Variants in PTPRF observed in about 807,000 individuals in gnomAD.
PTPRF encodes the protein protein tyrosine phosphatase receptor type F.
PTPRF carries 59 observed loss-of-function variants against 201.8 expected under a neutral mutation model. That is an observed-to-expected ratio of 0.29 (90% CI 0.24 to 0.36). The LOEUF is 0.36. Ranked by LOEUF, PTPRF falls within the 10% of genes least tolerant of loss-of-function variation. PTPRF has a pLI of 1.00. For missense variants in PTPRF, 2,132 were observed against 2,690.5 expected (o/e 0.79, Z 4.59); for synonymous variants, 1,088 against 1,089.7 (o/e 1.00, Z 0.03).
intron 7 of PTPRF, 86 bp downstream of exon 7, chr1:43,579,006 A>T (rs769679362): frequency 4.1e-6 from 5 of 1,227,854 alleles, no homozygotes; most frequent in Non-Finnish European, 4.8e-6. Flanking sequence ...CTTGGTGCAG[A>T]CACGCAAGGG....
At chr1:43,571,839 G>A (rs1646593546) in intron 6 of PTPRF, among the ~76,000 whole-genome samples, 1 of 152,226 alleles carries the variant, frequency 6.6e-6, no homozygotes, top group African/African-American at 2.4e-5. Context: ...TGTCTCATCG[G>A]GTCCTGGCTA....
chr1:43,570,718 G>A (rs1430949337), intron 6 of PTPRF, among the ~76,000 whole-genome samples: 1 of 152,270 alleles, frequency 6.6e-6, no homozygotes, highest in Non-Finnish European at 1.5e-5. Flanking sequence ...CCCAGCAGGA[G>A]GAGGGAGAGA....
rs1659478357 is a variant in PTPRF at position 43,622,877 on chromosome 1, A to C, written c.*874A>C. The C allele has an allele frequency of 6.6e-6, 1 of 152,154 alleles. No homozygotes were observed. Among genetic ancestry groups the C allele is most frequent in the Non-Finnish European group, 1.5e-5 (1 of 67,946 alleles). 9.4% of individuals were successfully genotyped at this position (152,154 alleles called of 1,614,324 possible). On this transcript the variant is annotated 3_prime_UTR_variant, in exon 34 of 34. Coordinates refer to ENST00000359947, the MANE Select transcript of PTPRF (RefSeq NM_002840.5). ...ACAAAAAACCACAAAAATAAAAAACAAAAAAAACAAAAAACCCAAGAAAAA... is the reference window on the plus strand; with the variant it reads ...ACAAAAAACCACAAAAATAAAAAACCAAAAAAACAAAAAACCCAAGAAAAA...
At chr1:43,609,320 G>C in intron 21 of PTPRF, 63 bp from the exon 22 acceptor site, 1 of 1,365,886 alleles carries the variant, frequency 7.3e-7, no homozygotes, top group African/African-American at 1.4e-5. Flanking sequence ...AGCCAGCCAT[G>C]CCATGTGTCA....
Position 43,553,884 on chromosome 1 carries a change from A to G in PTPRF, c.322A>G (p.Thr108Ala). The change falls in exon 5 of 34, where the codon ACA becomes GCA. Residue 108 changes from threonine (T) to alanine (A), a missense_variant. This residue lies in a region of PTPRF where 297 missense variants were observed against 454.0 expected (regional missense o/e 0.65). Coordinates refer to ENST00000359947, the MANE Select transcript of PTPRF (RefSeq NM_002840.5). This position sits in a 1 kb window ranked among gnomAD's most constrained non-coding sequence, Gnocchi z 4.1. ...GCGAGATGAAGCCATCTATGAGTGTACAGCTACTAACAGCCTGGGTGAGAT... is the reference window on the plus strand; with the variant it reads ...GCGAGATGAAGCCATCTATGAGTGTGCAGCTACTAACAGCCTGGGTGAGAT... ...VQRDEAIYEC[T>A]ATNSLGEINT... 1 of 1,613,264 alleles carries G rather than the reference A, an allele frequency of 6.2e-7. No homozygotes were observed. The highest frequency in any genetic ancestry group is 8.5e-7 in the Non-Finnish European group (1 of 1,179,756).
chr1:43,602,560 G>A (rs957323849), intron 14 of PTPRF, among the ~76,000 whole-genome samples: 3 of 152,096 alleles, frequency 2.0e-5, no homozygotes, highest in African/African-American at 7.3e-5. Context: ...AGCTGCAGGG[G>A]CCCCACTCAA....
At chr1:43,581,355 TCACACACA>T (rs879752064) in intron 7 of PTPRF, among the ~76,000 whole-genome samples, 1 of 152,218 alleles carries the variant, frequency 6.6e-6, no homozygotes, top group Non-Finnish European at 1.5e-5. Context: ...GTTGTCTCTC[TCACACACA>T]CATACGACGT....
chr1:43,577,257 T>A (rs1022872691), intron 6 of PTPRF, among the ~76,000 whole-genome samples: 6 of 152,140 alleles, frequency 3.9e-5, no homozygotes, highest in African/African-American at 1.4e-4. Flanking sequence ...GAACCCGACC[T>A]GCTTGAAGGA....
Position 43,605,018 on chromosome 1 carries a change from C to T in PTPRF, c.3135+18C>T, listed in dbSNP as rs1290516907. ...CCTTTAAGGTGAGTAAGGGCCACGG[C>T]CAGCTGAGCCTGGCACACACACAGG... On this transcript the variant is annotated intron_variant, in intron 17 of 33. Coordinates refer to ENST00000359947, the MANE Select transcript of PTPRF (RefSeq NM_002840.5). 1.9e-6 allele frequency: 3 copies of T among 1,610,570 alleles called. No homozygotes were observed. The highest frequency in any genetic ancestry group is 2.5e-6 in the Non-Finnish European group (3 of 1,177,310).
chr1:43,560,999 G>A (rs902153821), intron 5 of PTPRF, among the ~76,000 whole-genome samples: 4 of 152,138 alleles, frequency 2.6e-5, no homozygotes, highest in African/African-American at 7.2e-5. Flanking sequence ...AGGGCTGTCC[G>A]GCACATGAAG....
chr1:43,610,955 G>A (rs892808670), intron 22 of PTPRF, among the ~76,000 whole-genome samples: 1 of 152,164 alleles, frequency 6.6e-6, no homozygotes. Flanking sequence ...CACTGTAAAG[G>A]CACCATTAAA....
chr1:43,524,399 T>C (rs555300635), upstream of PTPRF, among the ~76,000 whole-genome samples: 36 of 152,074 alleles, frequency 2.4e-4, no homozygotes, highest in Non-Finnish European at 4.7e-4. Flanking sequence ...GTGGTTCACA[T>C]GTGTAATCCC....
At chr1:43,570,822 C>A (rs967121717) in intron 6 of PTPRF, among the ~76,000 whole-genome samples, 1 of 152,270 alleles carries the variant, frequency 6.6e-6, no homozygotes, top group Non-Finnish European at 1.5e-5. Context: ...TAAAACTCAA[C>A]AAGATGGAGG....
chr1:43,607,024 C>G, intron 21 of PTPRF, 56 bp downstream of exon 21: 1 of 1,592,210 alleles, frequency 6.3e-7, no homozygotes, highest in Non-Finnish European at 8.5e-7. Context: ...CCTTTCAGGC[C>G]CTCTCCGGGT....
chr1:43,607,564 C>T (rs1012230166), intron 21 of PTPRF, among the ~76,000 whole-genome samples: 6 of 152,244 alleles, frequency 3.9e-5, no homozygotes, highest in African/African-American at 1.4e-4. Context: ...GTGCACCTTC[C>T]AGCCTGAAAG....
chr1:43,553,557 G>A lies in PTPRF; in HGVS notation c.157G>A (p.Val53Met), dbSNP rs576238237. 13 of 1,614,074 alleles carry A rather than the reference G, an allele frequency of 8.1e-6. No individual in the cohort carries two copies. The highest frequency in any genetic ancestry group is 5.3e-5 in the African/African-American group (4 of 75,032). Residue 53 changes from valine (V) to methionine (M), a missense_variant, in exon 4 of 34, where the codon GTG (valine) becomes ATG (methionine). By Grantham distance (21) the Val-to-Met change is conservative. Around this residue, in one of 6 missense-constraint regions of PTPRF, gnomAD observed 297 missense variants for 454.0 expected, o/e 0.65. Transcript: ENST00000359947. This position sits in a 1 kb window ranked among gnomAD's most constrained non-coding sequence, Gnocchi z 4.1. ...TGLSGGVASF[V>M]CQATGEPKPR... ...GCTGTCAGGAGGGGTAGCCTCCTTC[G>A]TGTGCCAAGCTACAGGAGAACCCAA...
intron 5 of PTPRF, among the ~76,000 whole-genome samples, chr1:43,557,325 G>A (rs749401467): frequency 1.7e-4 from 26 of 152,192 alleles, no homozygotes; most frequent in Non-Finnish European, 2.2e-4. Flanking sequence ...CTGGGGTGAG[G>A]AGGACGGACT....
intron 32 of PTPRF, 23 bp from the exon 33 acceptor site, chr1:43,621,074 G>A: frequency 6.2e-7 from 1 of 1,612,928 alleles, no homozygotes; most frequent in Non-Finnish European, 8.5e-7. Context: ...CAGGACTCCT[G>A]ACCCAACTGT....
At chr1:43,585,680 G>A (rs1444184108) in intron 7 of PTPRF, among the ~76,000 whole-genome samples, 3 of 152,316 alleles carry the variant, frequency 2.0e-5, no homozygotes, top group African/African-American at 2.4e-5. Context: ...GGCTCAGGGC[G>A]TTGGCCTGAC....
Sources: gnomAD v4.1 joint callset for allele counts (sites outside exome capture counted in the v4.1 genomes callset) on GRCh38, gnomAD v4.1.1 for gene constraint, gnomAD v4.1.1 regional missense constraint, Gnocchi (gnomAD v3.1) non-coding constraint, MANE v1.5 for transcripts, NCBI Gene and HGNC (gene_info 2026-07-23, HGNC 2026-07-21) for gene names.